Variants in TEX2 observed in about 807,000 individuals in gnomAD.
The protein encoded by TEX2 is testis-expressed protein 2.
TEX2 carries 53 observed loss-of-function variants against 106.9 expected under a neutral mutation model. The observed-to-expected ratio is 0.50, with a 90% CI of 0.40 to 0.62. TEX2 has a LOEUF of 0.62. Among genes scored for constraint, TEX2 ranks in the 20% least tolerant of loss-of-function variants. The pLI is 0.00. For missense variants in TEX2, 1,207 were observed against 1,379.0 expected (o/e 0.88, Z 1.98); for synonymous variants, 523 against 534.8 (o/e 0.98, Z 0.30).
intron 1 of TEX2, among the ~76,000 whole-genome samples, chr17:64,249,981 T>G (rs2034060474): frequency 6.6e-6 from 1 of 152,182 alleles, no homozygotes; most frequent in Non-Finnish European, 1.5e-5. Context: ...CCTGGGAAAT[T>G]AAAACAAAAG....
intron 1 of TEX2, among the ~76,000 whole-genome samples, chr17:64,259,644 C>T (rs1406927334): frequency 1.3e-5 from 2 of 152,156 alleles, no homozygotes; most frequent in Non-Finnish European, 2.9e-5. Context: ...ATTGCCTAGG[C>T]GTTGAGTGGC....
intron 2 of TEX2, among the ~76,000 whole-genome samples, chr17:64,201,719 C>A (rs1292018223): frequency 1.3e-5 from 2 of 152,258 alleles, no homozygotes; most frequent in African/African-American, 4.8e-5. Context: ...TCCTAGGAAG[C>A]CTCCCTCCTC....
chr17:64,216,847 G>A (rs1265538798), intron 1 of TEX2, among the ~76,000 whole-genome samples: 2 of 152,174 alleles, frequency 1.3e-5, no homozygotes, highest in Non-Finnish European at 2.9e-5. Flanking sequence ...GGACAGAGCT[G>A]AAGGTGGGCC....
intron 4 of TEX2, among the ~76,000 whole-genome samples, chr17:64,191,817 CAAAAAAAAAAAAA>C (rs58376086): frequency 9.2e-5 from 11 of 119,886 alleles, no homozygotes; most frequent in Admixed American, 1.6e-4. Flanking sequence ...GACTCCATCT[CAAAAAAAAAAAAA>C]AAAAAAAAAA....
At chr17:64,173,450 C>G (rs564916690) in intron 6 of TEX2, among the ~76,000 whole-genome samples, 1 of 152,280 alleles carries the variant, frequency 6.6e-6, no homozygotes, top group East Asian at 1.9e-4. Context: ...CCTAACTTGG[C>G]TGGACCTCTT....
At chr17:64,189,313 C>T (rs935185500) in intron 4 of TEX2, among the ~76,000 whole-genome samples, 3 of 152,184 alleles carry the variant, frequency 2.0e-5, no homozygotes, top group African/African-American at 2.4e-5. Flanking sequence ...GAGACTGGAG[C>T]GGTGCTTACC....
At chr17:64,247,037 G>A (rs2034001300) in intron 1 of TEX2, among the ~76,000 whole-genome samples, 1 of 151,908 alleles carries the variant, frequency 6.6e-6, no homozygotes, top group Non-Finnish European at 1.5e-5. Context: ...CAGCACTTTG[G>A]GAGGCTGAGG....
chr17:64,179,716 C>G (rs2031771376), intron 5 of TEX2, among the ~76,000 whole-genome samples: 1 of 151,828 alleles, frequency 6.6e-6, no homozygotes, highest in Non-Finnish European at 1.5e-5. Flanking sequence ...TACAGGAGTC[C>G]TTCACATTTG....
Position 64,213,179 on chromosome 17 carries a change from T to G in TEX2, c.1039A>C (p.Lys347Gln). The change falls in exon 2 of 12, where the codon AAG (lysine) becomes CAG (glutamine). Residue 347 changes from lysine (K) to glutamine (Q), a missense_variant. Lys to Gln is a moderately conservative substitution (Grantham distance 53). This residue lies in a region of TEX2 where 1,067 missense variants were observed against 1,193.6 expected (regional missense o/e 0.89). Transcript: ENST00000584379. The surrounding 1 kb of genome is among the most constrained non-coding windows in gnomAD (Gnocchi z 4.4). The stretch of plus-strand genomic sequence containing the variant: ...CCCTCAGAATCACACTCCTCCTCCT[T>G]GATGCTGTAGTTGTTATTGCTTTCC... ...HLESNNNYSIKEEECDSEGDG... is the reference protein window; with the variant it reads ...HLESNNNYSIQEEECDSEGDG... 6.2e-7 allele frequency: 1 copy of G among 1,614,166 alleles called. No homozygotes were observed.
chr17:64,178,917 T>A lies in TEX2; in HGVS notation c.2425-1446A>T, dbSNP rs149103873. Among the ~76,000 whole-genome samples, 226 of 152,356 alleles carry A rather than the reference T, an allele frequency of 1.5e-3. 1 individual carries two copies. Among genetic ancestry groups the A allele is most frequent in the Non-Finnish European group, 2.4e-3 (163 of 68,034 alleles). On this transcript the variant is annotated intron_variant, in intron 5 of 11. Coordinates refer to ENST00000584379, the MANE Select transcript of TEX2 (RefSeq NM_001288732.2). ...AGTGCTGTGGTGCACACGTTGTTGC[T>A]TGGTGTGTATGGATTTGAATCTGCA...
chr17:64,151,023 C>G (rs2030326630), intron 10 of TEX2, 62 bp from the exon 11 acceptor site: 11 of 1,575,690 alleles, frequency 7.0e-6, no homozygotes, highest in Non-Finnish European at 9.5e-6. Flanking sequence ...CAGGCACTGA[C>G]AGCAAACAGT....
chr17:64,213,824 A>G lies in TEX2; in HGVS notation c.394T>C (p.Leu132=). Residue 132 remains leucine (L), a synonymous_variant, in exon 2 of 12, where the codon TTG becomes CTG. Coordinates refer to ENST00000584379, the MANE Select transcript of TEX2 (RefSeq NM_001288732.2). This position sits in a 1 kb window ranked among gnomAD's most constrained non-coding sequence, Gnocchi z 4.4. ...PAAQVLSTVP[L]AVSPGSSSSG... is the part of the protein sequence containing the mutation. ...GAAGACGACCCTGGGGACACAGCCA[A>G]TGGCACTGTACTTAATACTTGTGCT... 1.2e-6 allele frequency: 2 copies of G among 1,614,220 alleles called. No individual in the cohort carries two copies. The highest frequency in any genetic ancestry group is 1.3e-5 in the African/African-American group (1 of 75,058).
intron 8 of TEX2, among the ~76,000 whole-genome samples, chr17:64,156,414 C>A (rs928273942): frequency 8.5e-5 from 13 of 152,166 alleles, no homozygotes; most frequent in Non-Finnish European, 1.8e-4. Context: ...GAAACAAAAG[C>A]CTCTTGTCCC....
rs545496227 is a variant in TEX2, at chr17:64,148,486, G to A, written c.*483C>T. On this transcript the variant is annotated 3_prime_UTR_variant, in exon 12 of 12. Coordinates refer to ENST00000584379, the MANE Select transcript of TEX2 (RefSeq NM_001288732.2). Reference sequence around the variant, plus strand: ...TGTCACCGAAATGAAAAGGCTCACAGAATTCCTCTCCCCACCCTCCAGACA... The same window carrying A: ...TGTCACCGAAATGAAAAGGCTCACAAAATTCCTCTCCCCACCCTCCAGACA... 1 of 154,082 alleles carries A rather than the reference G, an allele frequency of 6.5e-6. No homozygotes were observed. The highest frequency in any genetic ancestry group is 2.0e-4 in the South Asian group (1 of 4,898). 9.5% of individuals were successfully genotyped at this position (154,082 alleles called of 1,614,324 possible).
At chr17:64,240,378 G>A (rs8081477) in intron 1 of TEX2, among the ~76,000 whole-genome samples, 1 of 152,164 alleles carries the variant, frequency 6.6e-6, no homozygotes, top group Non-Finnish European at 1.5e-5. Flanking sequence ...TCCTGGCTCA[G>A]ACACTGGGCA....
At chr17:64,218,905 C>T (rs376262746) in intron 1 of TEX2, among the ~76,000 whole-genome samples, 69 of 152,200 alleles carry the variant, frequency 4.5e-4, no homozygotes, top group African/African-American at 1.6e-3. Context: ...TCTGAAAGAA[C>T]CAGGGAATCT....
At chr17:64,155,141 A>C in intron 8 of TEX2, 174 bp from the exon 9 acceptor site, 2 of 727,494 alleles carry the variant, frequency 2.7e-6, no homozygotes, top group Admixed American at 4.0e-5. Flanking sequence ...CAATCCAAGA[A>C]TCCTTGGATC....
intron 10 of TEX2, among the ~76,000 whole-genome samples, chr17:64,152,215 A>G (rs2030391988): frequency 6.6e-6 from 1 of 152,196 alleles, no homozygotes; most frequent in Non-Finnish European, 1.5e-5. Context: ...GCCCATTTTT[A>G]TAGGACTTAG....
At chr17:64,261,773 C>G (rs1034114152) in intron 1 of TEX2, among the ~76,000 whole-genome samples, 3 of 152,204 alleles carry the variant, frequency 2.0e-5, no homozygotes, top group Non-Finnish European at 2.9e-5. Context: ...CTATCCACAT[C>G]ACCTCAGGGG....
Sources: allele counts gnomAD v4.1 joint callset (sites outside exome capture counted in the v4.1 genomes callset), GRCh38; gene constraint gnomAD v4.1.1; regional missense constraint gnomAD v4.1.1; non-coding constraint Gnocchi (gnomAD v3.1); transcripts MANE v1.5; gene names NCBI Gene and HGNC (gene_info 2026-07-23, HGNC 2026-07-21).